Variants in SBF2 observed in about 807,000 individuals in gnomAD.
The protein encoded by SBF2 is SET binding factor 2, also known as myotubularin-related protein 13.
In SBF2, 112 loss-of-function variants were observed where a neutral mutation model predicts 225.2. The ratio of observed to expected loss-of-function variants is 0.50; its 90% CI spans 0.43 to 0.58. The LOEUF is 0.58. SBF2 is among the 20% of genes least tolerant of loss of function. SBF2 has a pLI of 0.00. For synonymous variants in SBF2, 763 were observed against 773.3 expected (o/e 0.99, Z 0.22); for missense variants, 1,996 against 2,206.2 (o/e 0.90, Z 1.91).
At chr11:10,063,858 C>CACACACAGAGAGAGAGAGAGAGAG (rs373423157) in intron 2 of SBF2, among the ~76,000 whole-genome samples, 6 of 136,238 alleles carry the variant, frequency 4.4e-5, no homozygotes, top group Admixed American at 2.3e-4. Context: ...CACACACACA[C>CACACACAGAGAGAGAGAGAGAGAG]AGAGAGAGAG....
chr11:9,836,366 ATCT>A (rs1255604160), intron 26 of SBF2, among the ~76,000 whole-genome samples: 3 of 152,174 alleles, frequency 2.0e-5, no homozygotes, highest in Non-Finnish European at 2.9e-5. Flanking sequence ...TTGAAAAAAC[ATCT>A]TCTATCCACT....
chr11:10,218,176 A>C (rs1988724), intron 1 of SBF2, among the ~76,000 whole-genome samples: 94,487 of 151,924 alleles, frequency 0.62, 30,299 homozygotes, highest in East Asian at 0.97. Context: ...CTGAGATTAC[A>C]GGTGTGAGCC....
At chr11:9,796,097 A>G (rs538639738) in intron 32 of SBF2, 140 bp from the exon 33 acceptor site, 33 of 843,910 alleles carry the variant, frequency 3.9e-5, no homozygotes, top group African/African-American at 5.1e-5. Context: ...TACCATAAGT[A>G]GAGATGGGAA....
In SBF2 at chr11:9,853,531, A is replaced by G; in HGVS notation, c.2536+9T>C. 1 of 1,611,874 alleles carries G rather than the reference A, an allele frequency of 6.2e-7. No homozygotes were observed. Among genetic ancestry groups the G allele is most frequent in the East Asian group, 2.2e-5 (1 of 44,834 alleles). On this transcript the variant is annotated intron_variant, in intron 20 of 39. Coordinates refer to ENST00000256190, the MANE Select transcript of SBF2 (RefSeq NM_030962.4). ...TATTCTGATTCTCTAATATCTGCAG[A>G]GTGATTACCTGGTATCATGCAATGA...
intron 19 of SBF2, among the ~76,000 whole-genome samples, chr11:9,853,920 G>A (rs1025650771): frequency 2.6e-5 from 4 of 152,180 alleles, no homozygotes; most frequent in Admixed American, 2.6e-4. Flanking sequence ...CTGTCAGGCA[G>A]TAAGTTTCTG....
chr11:9,863,103 G>A lies in SBF2; in HGVS notation c.1930-4707C>T, dbSNP rs138076872. On this transcript the variant is annotated intron_variant, in intron 17 of 39. Coordinates refer to ENST00000256190, the MANE Select transcript of SBF2 (RefSeq NM_030962.4). ...CTTCTTTATCTAGAAAAAACAGCCCGTGAAGGTACTAGATTAAGCAATGCC... is the reference window on the plus strand; with the variant it reads ...CTTCTTTATCTAGAAAAAACAGCCCATGAAGGTACTAGATTAAGCAATGCC... Among the ~76,000 whole-genome samples the A allele has an allele frequency of 2.8e-3, 426 of 152,132 alleles. 9 individuals carry two copies. The East Asian group carries it at 0.049, about 18-fold the overall frequency.
At chr11:10,111,929 C>T (rs1421197801) in intron 2 of SBF2, among the ~76,000 whole-genome samples, 1 of 152,108 alleles carries the variant, frequency 6.6e-6, no homozygotes, top group Non-Finnish European at 1.5e-5. Context: ...TTTTGTTTCA[C>T]TATTTAAAAA....
chr11:9,985,836 G>C (rs1947176678), intron 13 of SBF2, among the ~76,000 whole-genome samples: 1 of 152,052 alleles, frequency 6.6e-6, no homozygotes, highest in Non-Finnish European at 1.5e-5. Context: ...ATAATAGTGG[G>C]GGACGTCAAT....
intron 1 of SBF2, among the ~76,000 whole-genome samples, chr11:10,277,022 A>T (rs997205964): frequency 1.1e-4 from 16 of 150,552 alleles, no homozygotes; most frequent in African/African-American, 3.7e-4. Context: ...CCTTGAGGCC[A>T]GGGGTTCCAG....
At chr11:9,913,643 A>AAAAATAAAAT (rs142122670) in intron 16 of SBF2, among the ~76,000 whole-genome samples, 9,585 of 144,772 alleles carry the variant, frequency 0.066, 382 homozygotes, top group Middle Eastern at 0.11. Context: ...CTGAGATTAA[A>AAAAATAAAAT]AAAATAAAAT....
At chr11:10,006,175 C>T (rs1948181103) in intron 6 of SBF2, among the ~76,000 whole-genome samples, 1 of 152,232 alleles carries the variant, frequency 6.6e-6, no homozygotes, top group Admixed American at 6.5e-5. Flanking sequence ...CACCTCGAGG[C>T]AAGTCAGCCT....
rs562004944 is a variant in SBF2, at chr11:10,067,121, T to A, written c.142-24140A>T. 5.7e-4 allele frequency among the ~76,000 whole-genome samples: 86 copies of A among 152,138 alleles called. 1 individual carries two copies. The South Asian group carries it at 0.017, about 29-fold the overall frequency. On this transcript the variant is annotated intron_variant, in intron 2 of 39. Transcript: ENST00000256190. ...AGTGGGACCCTGACTCTGTTTTTTT[T>A]AAAATGAATTACTTAGGGATACATA...
chr11:10,221,246 T>C (rs1163040996), intron 1 of SBF2, among the ~76,000 whole-genome samples: 3 of 152,068 alleles, frequency 2.0e-5, no homozygotes, highest in Non-Finnish European at 4.4e-5. Flanking sequence ...GCCTCCCAAG[T>C]AGCTGGGATT....
At chr11:9,994,270 C>T (rs971128703) in intron 9 of SBF2, among the ~76,000 whole-genome samples, 3 of 151,094 alleles carry the variant, frequency 2.0e-5, no homozygotes, top group African/African-American at 4.9e-5. Flanking sequence ...GTCAGGAGAT[C>T]GAGACCATCC....
intron 6 of SBF2, among the ~76,000 whole-genome samples, chr11:10,012,440 C>A (rs1264842998): frequency 1.3e-5 from 2 of 152,178 alleles, no homozygotes; most frequent in Non-Finnish European, 2.9e-5. Flanking sequence ...CGATGCCTGG[C>A]CTGTTTCAGT....
intron 6 of SBF2, among the ~76,000 whole-genome samples, chr11:10,009,453 CCT>C (rs1174378929): frequency 1.3e-5 from 2 of 152,048 alleles, no homozygotes; most frequent in Non-Finnish European, 2.9e-5. Flanking sequence ...TGTTCCCCTC[CCT>C]GTGTCCATGT....
In SBF2 at chr11:10,191,962, T is replaced by C. The variant is rs139045555; in HGVS notation, c.141+1940A>G. Among the ~76,000 whole-genome samples, 234 of 152,304 alleles carry C rather than the reference T, an allele frequency of 1.5e-3. 1 individual carries two copies. Among genetic ancestry groups the C allele is most frequent in the African/African-American group, 5.0e-3 (206 of 41,578 alleles). On this transcript the variant is annotated intron_variant, in intron 2 of 39. Coordinates refer to ENST00000256190, the MANE Select transcript of SBF2 (RefSeq NM_030962.4). Reference sequence around the variant, plus strand: ...GATGTCTGTTGGTTCCTGAAACTTATGAAGGTGAGTCACTGCTCATACTGT... The same window carrying C: ...GATGTCTGTTGGTTCCTGAAACTTACGAAGGTGAGTCACTGCTCATACTGT...
rs891442833 is a variant in SBF2 at position 10,023,142 on chromosome 11, AT to A, written c.619+5309del. Reference sequence around the variant, plus strand: ...TTGCCCTCAACTACTATTGGTTATCATTTTTTTCTTTATTGATAAATTTTCA... The same window carrying A: ...TTGCCCTCAACTACTATTGGTTATCATTTTTTCTTTATTGATAAATTTTCA... On this transcript the variant is annotated intron_variant, in intron 6 of 39. Coordinates refer to ENST00000256190, the MANE Select transcript of SBF2 (RefSeq NM_030962.4). Among the ~76,000 whole-genome samples, 5 of 151,950 alleles carry A rather than the reference AT, an allele frequency of 3.3e-5. No homozygotes were observed. In the East Asian group the frequency reaches 5.8e-4, roughly 18 times the overall value.
intron 2 of SBF2, among the ~76,000 whole-genome samples, chr11:10,156,635 C>G (rs1367948162): frequency 2.6e-5 from 4 of 152,130 alleles, no homozygotes; most frequent in Admixed American, 2.6e-4. Flanking sequence ...AATCAGCACA[C>G]AGAGCCAAAT....
Sources: gnomAD v4.1 joint callset for allele counts (sites outside exome capture counted in the v4.1 genomes callset) on GRCh38, gnomAD v4.1.1 for gene constraint, MANE v1.5 for transcripts, NCBI Gene and HGNC (gene_info 2026-07-23, HGNC 2026-07-21) for gene names.